The following COL6A6 variants were observed in gnomAD, a reference collection of about 807,000 sequenced individuals.
COL6A6 encodes collagen alpha-6(VI) chain.
Under a neutral mutation model 208.6 loss-of-function variants are expected in COL6A6, and 183 were observed. The ratio of observed to expected loss-of-function variants is 0.88; its 90% CI spans 0.78 to 0.99. The LOEUF is 0.99. Ranked by LOEUF, COL6A6 falls within the 50% of genes least tolerant of loss-of-function variation. The pLI is 0.00. For missense variants in COL6A6, 2,816 were observed against 2,815.2 expected, an observed-to-expected ratio of 1.00 and a Z score of -0.01; for synonymous variants, 973 against 1,011.8, an observed-to-expected ratio of 0.96 and a Z score of 0.73.
At chr3:130,663,497 A>G (rs1427364418) in intron 35 of COL6A6, among the ~76,000 whole-genome samples, 1 of 152,196 alleles carries the variant, frequency 6.6e-6, no homozygotes, top group Non-Finnish European at 1.5e-5. Context: ...TGAGGAAAAA[A>G]AGGAAAAAAA....
In COL6A6 at chr3:130,608,017, TG is replaced by T. The variant is rs1171940339; in HGVS notation, c.4690-883del. Among the ~76,000 whole-genome samples the T allele has an allele frequency of 3.9e-5, 6 of 152,282 alleles. No homozygotes were observed. In the South Asian group the frequency reaches 6.2e-4, roughly 16 times the overall value. ...GGTGCCTTCTTGCTGCATCCACACATGGCAGAAGGGGCTGACAGCTACCTTG... is the reference window on the plus strand; with the variant it reads ...GGTGCCTTCTTGCTGCATCCACACATGCAGAAGGGGCTGACAGCTACCTTG... On this transcript the variant is annotated intron_variant, in intron 21 of 36. Transcript: ENST00000358511.
chr3:130,545,732 C>T (rs2062479795), intron 1 of COL6A6, among the ~76,000 whole-genome samples: 1 of 152,228 alleles, frequency 6.6e-6, no homozygotes, highest in African/African-American at 2.4e-5. Context: ...GCTGGGATTA[C>T]AGGCGTGAGC....
intron 32 of COL6A6, among the ~76,000 whole-genome samples, chr3:130,647,465 A>G (rs1187124368): frequency 6.6e-6 from 1 of 152,208 alleles, no homozygotes. Context: ...TTTAAACGAT[A>G]AAAGTGACAC....
At chr3:130,574,561 C>A in intron 8 of COL6A6, 36 bp downstream of exon 8, 1 of 1,532,664 alleles carries the variant, frequency 6.5e-7, no homozygotes, top group South Asian at 1.2e-5. Flanking sequence ...CGATTCCCTA[C>A]ACCATCTTCT....
At chr3:130,585,457 C>T (rs761939714) in intron 10 of COL6A6, among the ~76,000 whole-genome samples, 12 of 152,166 alleles carry the variant, frequency 7.9e-5, no homozygotes, top group Non-Finnish European at 1.5e-4. Flanking sequence ...AGCACTTAAC[C>T]ATTTCCCAGG....
intron 33 of COL6A6, among the ~76,000 whole-genome samples, chr3:130,650,353 T>C (rs1454273016): frequency 6.6e-6 from 1 of 152,142 alleles, no homozygotes; most frequent in Non-Finnish European, 1.5e-5. Flanking sequence ...CCGGGAGCGG[T>C]GGCTCACGCC....
At chr3:130,600,299 C>T (rs1381677926) in intron 20 of COL6A6, among the ~76,000 whole-genome samples, 2 of 152,198 alleles carry the variant, frequency 1.3e-5, no homozygotes, top group Admixed American at 6.5e-5. Context: ...TTGTGGAAGA[C>T]AGTATGACAA....
intron 1 of COL6A6, among the ~76,000 whole-genome samples, chr3:130,559,541 G>C (rs1038305632): frequency 6.6e-6 from 1 of 152,146 alleles, no homozygotes; most frequent in African/African-American, 2.4e-5. Flanking sequence ...AGCAGGACAT[G>C]GAGACACTGG....
chr3:130,655,044 C>G (rs1440047322), intron 33 of COL6A6, among the ~76,000 whole-genome samples: 3 of 152,054 alleles, frequency 2.0e-5, no homozygotes, highest in Admixed American at 2.0e-4. Context: ...CTCAAAGGGC[C>G]AATCATAGGT....
chr3:130,607,669 G>A (rs4682622), intron 21 of COL6A6, among the ~76,000 whole-genome samples: 57,367 of 151,986 alleles, frequency 0.38, 14,592 homozygotes, highest in African/African-American at 0.71. Context: ...CTGTTCAGCA[G>A]TAATACATGC....
At chr3:130,548,575 A>C (rs2062572609) in intron 1 of COL6A6, among the ~76,000 whole-genome samples, 1 of 152,242 alleles carries the variant, frequency 6.6e-6, no homozygotes, top group Non-Finnish European at 1.5e-5. Flanking sequence ...TGTTAAGAAG[A>C]GCAAAGTGCT....
intron 36 of COL6A6, among the ~76,000 whole-genome samples, chr3:130,671,011 G>A (rs545233098): frequency 1.1e-3 from 171 of 152,340 alleles, no homozygotes; most frequent in African/African-American, 3.9e-3. Context: ...GCCAAGGGAA[G>A]AGGGGAGATG....
At chr3:130,590,307 T>A (rs1292950445) in intron 12 of COL6A6, among the ~76,000 whole-genome samples, 1 of 70,142 alleles carries the variant, frequency 1.4e-5, no homozygotes, top group Non-Finnish European at 2.6e-5. Context: ...ATATTTTTTT[T>A]TTTTTTTTTT....
chr3:130,624,379 T>C (rs1195400414), intron 24 of COL6A6, among the ~76,000 whole-genome samples: 5 of 152,214 alleles, frequency 3.3e-5, no homozygotes, highest in Non-Finnish European at 7.3e-5. Flanking sequence ...TCAAGGCTGA[T>C]ATGATGGAGT....
intron 10 of COL6A6, among the ~76,000 whole-genome samples, chr3:130,582,405 AGAG>A (rs971426476): frequency 6.6e-6 from 1 of 152,172 alleles, no homozygotes; most frequent in Admixed American, 6.5e-5. Flanking sequence ...TGTCACCAGA[AGAG>A]AAGAGTATAT....
rs1433867463 is a variant in COL6A6, at chr3:130,634,448, T to G, written c.4993-142T>G. On this transcript the variant is annotated intron_variant, in intron 26 of 36. Transcript: ENST00000358511. Reference sequence around the variant, plus strand: ...AGTTTGTTTCTCAAATACTGCTATTTCACTTCCAGATTTCAATTGTTTTGG... The same window carrying G: ...AGTTTGTTTCTCAAATACTGCTATTGCACTTCCAGATTTCAATTGTTTTGG... 53 of 711,174 alleles carry G rather than the reference T, an allele frequency of 7.5e-5. No individual in the cohort carries two copies. The East Asian group carries it at 1.2e-3, about 16-fold the overall frequency. The allele number at this position is 711,174 out of a possible 1,614,324, so 44.1% of individuals were successfully genotyped here. A position where few individuals can be genotyped will look rare whatever the true frequency, so the allele number is the denominator to read the frequency against.
chr3:130,523,923 A>G (rs1437580267), intron 1 of COL6A6, among the ~76,000 whole-genome samples: 3 of 152,198 alleles, frequency 2.0e-5, no homozygotes, highest in African/African-American at 2.4e-5. Flanking sequence ...GGTTAATGCC[A>G]TGAATCCAAT....
At chr3:130,559,464 T>G (rs2062833559) in intron 1 of COL6A6, among the ~76,000 whole-genome samples, 1 of 152,178 alleles carries the variant, frequency 6.6e-6, no homozygotes, top group South Asian at 2.1e-4. Flanking sequence ...CTGAAGAGAT[T>G]GAATATTAGA....
Position 130,565,287 on chromosome 3 carries a change from G to T in COL6A6, c.955G>T (p.Val319Phe), listed in dbSNP as rs759335375. 5.0e-6 allele frequency: 8 copies of T among 1,613,914 alleles called. No homozygotes were observed. The Admixed American group carries it at 1.3e-4, about 27-fold the overall frequency. ...GAAIKKLRKE[V>F]FSARNGSRKN... is the part of the protein sequence containing the mutation. ...TGCCATCAAAAAGCTCAGGAAGGAA[G>T]TTTTTAGTGCACGGAATGGCAGTCG... Residue 319 changes from valine (V) to phenylalanine (F), a missense_variant, in exon 4 of 37, where the codon GTT (valine) becomes TTT (phenylalanine). By Grantham distance (50) the Val-to-Phe change is conservative. Transcript: ENST00000358511.
Sources: gnomAD v4.1 joint callset for allele counts (sites outside exome capture counted in the v4.1 genomes callset) on GRCh38, gnomAD v4.1.1 for gene constraint, MANE v1.5 for transcripts, NCBI Gene and HGNC (gene_info 2026-07-23, HGNC 2026-07-21) for gene names.